The following SUPT3H variants were observed in gnomAD, a reference collection of about 807,000 sequenced individuals.
The protein encoded by SUPT3H is transcription initiation protein SPT3 homolog.
A neutral mutation model predicts 44.3 loss-of-function variants in SUPT3H; 44 were observed. The observed-to-expected ratio is 0.99, with a 90% CI of 0.78 to 1.28. SUPT3H has a LOEUF of 1.28. SUPT3H is among the 50% of genes most tolerant of loss of function. The pLI is 0.00. For synonymous variants in SUPT3H, 124 were observed against 125.6 expected (o/e 0.99, Z 0.09); for missense variants, 380 against 387.1 (o/e 0.98, Z 0.15).
chr6:45,133,429 C>G (rs1435773517), intron 2 of SUPT3H, among the ~76,000 whole-genome samples: 2 of 152,092 alleles, frequency 1.3e-5, no homozygotes, highest in African/African-American at 2.4e-5. Context: ...ACATTATAAT[C>G]ATTGTAGAAC....
chr6:44,984,303 T>C (rs1327735594), intron 6 of SUPT3H, among the ~76,000 whole-genome samples: 1 of 152,112 alleles, frequency 6.6e-6, no homozygotes, highest in South Asian at 2.1e-4. Context: ...GAACTACTGG[T>C]GGCATGTAAC....
chr6:44,927,536 T>G (rs890999367), intron 10 of SUPT3H, among the ~76,000 whole-genome samples: 1 of 152,200 alleles, frequency 6.6e-6, no homozygotes. Flanking sequence ...TGAAGAAACT[T>G]TATAAATTAG....
intron 2 of SUPT3H, among the ~76,000 whole-genome samples, chr6:45,364,114 CA>C (rs11333292): frequency 0.61 from 87,924 of 143,626 alleles, 26,559 homozygotes; most frequent in African/African-American, 0.67. Flanking sequence ...GACTCTGTCT[CA>C]AAAAAAAAAA....
intron 2 of SUPT3H, among the ~76,000 whole-genome samples, chr6:45,208,942 T>C (rs1240833425): frequency 1.3e-5 from 2 of 151,922 alleles, no homozygotes; most frequent in Non-Finnish European, 2.9e-5. Flanking sequence ...CCAGTGTTCA[T>C]TTACCATTCA....
chr6:44,901,200 A>C (rs1764981717), intron 10 of SUPT3H, among the ~76,000 whole-genome samples: 1 of 152,228 alleles, frequency 6.6e-6, no homozygotes, highest in Admixed American at 6.5e-5. Context: ...TGAGAGAAGA[A>C]GGCTTCAGAC....
At position 44,985,212 on chromosome 6, in the gene SUPT3H, T is replaced by TAAATAAATAAATA. The variant is rs1554195415; in HGVS notation, c.504+18440_504+18441insTATTTATTTATTT. Among the ~76,000 whole-genome samples, 544 of 113,588 alleles carry TAAATAAATAAATA rather than the reference T, an allele frequency of 4.8e-3. 3 individuals carry two copies. Among genetic ancestry groups the TAAATAAATAAATA allele is most frequent in the African/African-American group, 7.8e-3 (228 of 29,138 alleles). The allele number at this position is 113,588 out of a possible 152,430, so 74.5% of individuals were successfully genotyped here. A position where few individuals can be genotyped will look rare whatever the true frequency, so the allele number is the denominator to read the frequency against. ...ATAAATAAATAAATAAATAAATAAA[T>TAAATAAATAAATA]AAATAAAATAAAATAAAATAAAATA... On this transcript the variant is annotated intron_variant, in intron 6 of 10. Transcript: ENST00000371459.
At chr6:45,281,793 A>C (rs1353672324) in intron 2 of SUPT3H, among the ~76,000 whole-genome samples, 3 of 152,142 alleles carry the variant, frequency 2.0e-5, no homozygotes, top group Admixed American at 1.3e-4. Flanking sequence ...CTGCCTCCTC[A>C]AGTGGGTCCC....
chr6:44,899,243 C>G (rs1341664922), intron 10 of SUPT3H: 1 of 152,120 alleles, frequency 6.6e-6, no homozygotes, highest in Non-Finnish European at 1.5e-5. Flanking sequence ...TGTGACTATT[C>G]AAAGTAGAAA....
At chr6:45,121,483 A>G (rs1283586883) in intron 2 of SUPT3H, among the ~76,000 whole-genome samples, 2 of 150,594 alleles carry the variant, frequency 1.3e-5, no homozygotes, top group African/African-American at 4.9e-5. Flanking sequence ...CCTTTCCCCC[A>G]CATTCCAAAG....
intron 2 of SUPT3H, among the ~76,000 whole-genome samples, chr6:45,312,311 A>G (rs1328531114): frequency 1.3e-5 from 2 of 152,100 alleles, no homozygotes; most frequent in Non-Finnish European, 2.9e-5. Context: ...GATCAAGACC[A>G]TCCTGGCCCT....
chr6:45,034,960 T>C (rs976741244), intron 3 of SUPT3H, among the ~76,000 whole-genome samples: 2 of 152,150 alleles, frequency 1.3e-5, no homozygotes, highest in Admixed American at 1.3e-4. Flanking sequence ...TAATATTTAA[T>C]AGTTTGCTCA....
At chr6:45,249,146 G>A (rs1402091339) in intron 2 of SUPT3H, among the ~76,000 whole-genome samples, 1 of 152,040 alleles carries the variant, frequency 6.6e-6, no homozygotes, top group East Asian at 1.9e-4. Context: ...CCAGATATAA[G>A]AATATTTCAT....
intron 2 of SUPT3H, among the ~76,000 whole-genome samples, chr6:45,127,034 G>T (rs1802543381): frequency 6.6e-6 from 1 of 151,986 alleles, no homozygotes; most frequent in Non-Finnish European, 1.5e-5. Flanking sequence ...AATAACTATG[G>T]GCTGGGCACA....
intron 3 of SUPT3H, among the ~76,000 whole-genome samples, chr6:45,065,582 AAG>A (rs1448140324): frequency 1.3e-5 from 2 of 151,722 alleles, no homozygotes; most frequent in African/African-American, 4.9e-5. Flanking sequence ...TAAAGAAAAA[AAG>A]AGACAAGAAT....
At chr6:45,114,538 TC>T (rs1186336631) in intron 2 of SUPT3H, among the ~76,000 whole-genome samples, 1 of 152,092 alleles carries the variant, frequency 6.6e-6, no homozygotes, top group Non-Finnish European at 1.5e-5. Context: ...AGAAAGCTCA[TC>T]CATAAATATT....
In SUPT3H at chr6:44,986,622, C is replaced by T. The variant is rs73737805; in HGVS notation, c.504+17031G>A. On this transcript the variant is annotated intron_variant, in intron 6 of 10. Transcript: ENST00000371459. Reference sequence around the variant, plus strand: ...TATCCTACCCAAAGGTTCACTGGTTCGCTCTAAGCAAAGTAATTAAAGTAA... The same window carrying T: ...TATCCTACCCAAAGGTTCACTGGTTTGCTCTAAGCAAAGTAATTAAAGTAA... Among the ~76,000 whole-genome samples the T allele has an allele frequency of 3.9e-3, 595 of 152,122 alleles. 7 individuals carry two copies. Among genetic ancestry groups the T allele is most frequent in the African/African-American group, 0.014 (566 of 41,502 alleles).
intron 2 of SUPT3H, among the ~76,000 whole-genome samples, chr6:45,246,393 C>T (rs1343796734): frequency 1.3e-5 from 2 of 152,082 alleles, no homozygotes; most frequent in Non-Finnish European, 2.9e-5. Context: ...AAGAGTTTTA[C>T]AGATTGAGCT....
intron 6 of SUPT3H, among the ~76,000 whole-genome samples, chr6:44,997,688 C>T (rs140032356): frequency 6.8e-4 from 104 of 151,908 alleles, no homozygotes; most frequent in African/African-American, 2.4e-3. Context: ...CTTGAACTCT[C>T]GCAAATAAAA....
Position 45,201,930 on chromosome 6 carries a change from A to C in SUPT3H, c.102-95924T>G, listed in dbSNP as rs563580210. ...GCAACTAGTTAAGCCCATAAAATGT[A>C]CATTTTCAAATTATGTTAACATGTT... On this transcript the variant is annotated intron_variant, in intron 2 of 10. Transcript: ENST00000371459. Among the ~76,000 whole-genome samples, 6 of 152,080 alleles carry C rather than the reference A, an allele frequency of 3.9e-5. No individual in the cohort carries two copies. The South Asian group carries it at 1.2e-3, about 31-fold the overall frequency.
Sources: gnomAD v4.1 joint callset for allele counts (sites outside exome capture counted in the v4.1 genomes callset) on GRCh38, gnomAD v4.1.1 for gene constraint, MANE v1.5 for transcripts, NCBI Gene and HGNC (gene_info 2026-07-23, HGNC 2026-07-21) for gene names.